The following CSMD1 variants were observed in gnomAD, a reference collection of about 807,000 sequenced individuals.
The protein encoded by CSMD1 is CUB and Sushi multiple domains 1, also known as CUB and sushi domain-containing protein 1.
CSMD1 carries 213 observed loss-of-function variants against 417.5 expected under a neutral mutation model. That is an observed-to-expected ratio of 0.51 (90% CI 0.46 to 0.57). CSMD1 has a LOEUF of 0.57. Among genes scored for constraint, CSMD1 ranks in the 20% least tolerant of loss-of-function variants. The probability of loss-of-function intolerance (pLI) is 0.00; values close to 1 mark genes in which losing one functional copy is unlikely to be tolerated. For synonymous variants in CSMD1, 2,862 were observed against 1,736.8 expected, an observed-to-expected ratio of 1.65 and a Z score of -16.11; for missense variants, 6,923 against 4,529.7, an observed-to-expected ratio of 1.53 and a Z score of -15.17.
At chr8:4,100,639 T>C (rs564325822) in intron 3 of CSMD1, among the ~76,000 whole-genome samples, 16 of 152,258 alleles carry the variant, frequency 1.1e-4, no homozygotes, top group Admixed American at 8.5e-4. Context: ...GATAAGTATG[T>C]CCATCATTTC....
intron 1 of CSMD1, among the ~76,000 whole-genome samples, chr8:4,713,733 G>A (rs1808462498): frequency 6.6e-6 from 1 of 152,152 alleles, no homozygotes; most frequent in Admixed American, 6.5e-5. Context: ...CCCAAACCTG[G>A]CCCCTGAGGC....
chr8:3,523,460 C>T (rs374909198), intron 10 of CSMD1, among the ~76,000 whole-genome samples: 60 of 152,190 alleles, frequency 3.9e-4, no homozygotes, highest in African/African-American at 1.3e-3. Context: ...GAATAAGGTG[C>T]CTAAAGTCCA....
chr8:4,552,555 G>C (rs945386651), intron 2 of CSMD1, among the ~76,000 whole-genome samples: 8 of 152,058 alleles, frequency 5.3e-5, no homozygotes, highest in African/African-American at 1.9e-4. Context: ...TCCCTGGGAA[G>C]CACTAGTATC....
intron 5 of CSMD1, among the ~76,000 whole-genome samples, chr8:3,903,035 T>G (rs953953912): frequency 6.6e-6 from 1 of 152,150 alleles, no homozygotes; most frequent in Non-Finnish European, 1.5e-5. Flanking sequence ...GTTATTAAAG[T>G]AGCGTGTAGC....
At chr8:3,444,245 C>A (rs1356722184) in intron 12 of CSMD1, among the ~76,000 whole-genome samples, 1 of 152,122 alleles carries the variant, frequency 6.6e-6, no homozygotes, top group Non-Finnish European at 1.5e-5. Flanking sequence ...AGGTTTGAAG[C>A]AGAAATTACA....
At chr8:4,405,229 A>T (rs1172074022) in intron 3 of CSMD1, among the ~76,000 whole-genome samples, 1 of 152,248 alleles carries the variant, frequency 6.6e-6, no homozygotes, top group African/African-American at 2.4e-5. Context: ...GTGGTTTTGC[A>T]TCAATGGAAA....
At position 4,548,397 on chromosome 8, in the gene CSMD1, C is replaced by T. The variant is rs145273232; in HGVS notation, c.302+88945G>A. 4.4e-3 allele frequency among the ~76,000 whole-genome samples: 663 copies of T among 152,126 alleles called. 3 individuals carry two copies. The highest frequency in any genetic ancestry group is 6.5e-3 in the Admixed American group (99 of 15,264). On this transcript the variant is annotated intron_variant, in intron 2 of 69. Coordinates refer to ENST00000635120, the MANE Select transcript of CSMD1 (RefSeq NM_033225.6). Reference sequence around the variant, plus strand: ...TGAATATTCATGTTGTATATTTAGACGCATAGTCTATTTCTTTGTTATGCT... The same window carrying T: ...TGAATATTCATGTTGTATATTTAGATGCATAGTCTATTTCTTTGTTATGCT...
At chr8:3,762,643 T>C (rs913557975) in intron 5 of CSMD1, among the ~76,000 whole-genome samples, 1 of 152,180 alleles carries the variant, frequency 6.6e-6, no homozygotes, top group Non-Finnish European at 1.5e-5. Context: ...GAAGGTATAA[T>C]CGCCCTGCTG....
intron 3 of CSMD1, among the ~76,000 whole-genome samples, chr8:4,398,583 G>A (rs1804428696): frequency 1.3e-5 from 2 of 151,708 alleles, no homozygotes; most frequent in Admixed American, 1.3e-4. Context: ...TTTTAGTAGA[G>A]ACGGGGTTTC....
chr8:3,856,484 G>C (rs1250453970), intron 5 of CSMD1, among the ~76,000 whole-genome samples: 1 of 152,138 alleles, frequency 6.6e-6, no homozygotes, highest in Admixed American at 6.6e-5. Context: ...GTTCTTAATT[G>C]GTGAGGAGGA....
At chr8:3,453,890 A>C (rs1815923417) in intron 12 of CSMD1, among the ~76,000 whole-genome samples, 1 of 152,038 alleles carries the variant, frequency 6.6e-6, no homozygotes, top group African/African-American at 2.4e-5. Flanking sequence ...TCTTGTTGAA[A>C]TGTCTGATGT....
At chr8:4,781,445 ATCT>A (rs1390987164) in intron 1 of CSMD1, among the ~76,000 whole-genome samples, 1 of 152,214 alleles carries the variant, frequency 6.6e-6, no homozygotes, top group Non-Finnish European at 1.5e-5. Context: ...ACTGACCGTC[ATCT>A]TATCTGATGT....
In CSMD1 at chr8:4,417,296, T is replaced by C. The variant is rs530626915; in HGVS notation, c.415+2657A>G. On this transcript the variant is annotated intron_variant, in intron 3 of 69. Transcript: ENST00000635120. ...TTTCTATTCTCATTATGTAGCTTAA[T>C]AGTTCCATGTGTGAATAATAGTTTA... 2.6e-5 allele frequency among the ~76,000 whole-genome samples: 4 copies of C among 152,188 alleles called. No individual in the cohort carries two copies. In the East Asian group the frequency reaches 7.7e-4, roughly 29 times the overall value.
At chr8:4,379,700 ATGGCGGGAAGAGGGCAATGAAGCAACAG>A (rs1379344578) in intron 3 of CSMD1, among the ~76,000 whole-genome samples, 5 of 57,294 alleles carry the variant, frequency 8.7e-5, no homozygotes, top group South Asian at 6.3e-4. Context: ...TGAAGCAACA[ATGGCGGGAAGAGGGCAATGAAGCAACAG>A]TGGCAGAAAG....
At chr8:4,442,230 G>A (rs1563177865) in intron 2 of CSMD1, among the ~76,000 whole-genome samples, 3 of 152,144 alleles carry the variant, frequency 2.0e-5, no homozygotes, top group Non-Finnish European at 1.5e-5. Context: ...CATACACAGT[G>A]CAGTGATGGC....
intron 7 of CSMD1, among the ~76,000 whole-genome samples, chr8:3,619,595 AG>A (rs1159881210): frequency 6.6e-6 from 1 of 152,192 alleles, no homozygotes; most frequent in Non-Finnish European, 1.5e-5. Flanking sequence ...AAATTCAAGG[AG>A]ATTAATGAAC....
chr8:4,657,006 G>T (rs1311731136), intron 1 of CSMD1, among the ~76,000 whole-genome samples: 2 of 152,060 alleles, frequency 1.3e-5, no homozygotes, highest in Non-Finnish European at 2.9e-5. Flanking sequence ...AAAAACCACC[G>T]TAGGGCACGC....
At chr8:3,675,073 A>G (rs931463587) in intron 7 of CSMD1, among the ~76,000 whole-genome samples, 2 of 152,150 alleles carry the variant, frequency 1.3e-5, no homozygotes, top group African/African-American at 4.8e-5. Flanking sequence ...CCTGACGAAT[A>G]CCGTCGACCA....
At chr8:3,811,420 C>T (rs189620220) in intron 5 of CSMD1, among the ~76,000 whole-genome samples, 32 of 152,256 alleles carry the variant, frequency 2.1e-4, no homozygotes, top group Middle Eastern at 3.4e-3. Context: ...GCATTTGCTT[C>T]ATGTTCGACT....
Sources: allele counts gnomAD v4.1 joint callset (sites outside exome capture counted in the v4.1 genomes callset), GRCh38; gene constraint gnomAD v4.1.1; transcripts MANE v1.5; gene names NCBI Gene and HGNC (gene_info 2026-07-23, HGNC 2026-07-21).